The following ANKRD24 variants were observed in gnomAD, a reference collection of about 807,000 sequenced individuals.
ANKRD24 encodes the protein ankyrin repeat domain-containing protein 24.
A neutral mutation model predicts 127.8 loss-of-function variants in ANKRD24; 109 were observed. The observed-to-expected ratio is 0.85, with a 90% confidence interval of 0.73 to 1.00. ANKRD24 has a LOEUF of 1.00. Among genes scored for constraint, ANKRD24 ranks in the 50% least tolerant of loss-of-function variants. The pLI is 0.00. For synonymous variants in ANKRD24, 743 were observed against 671.1 expected (o/e 1.11, Z -1.66); for missense variants, 1,648 against 1,570.2 (o/e 1.05, Z -0.84).
At chr19:4,218,799 A>C (rs1599467220) in intron 18 of ANKRD24, among the ~76,000 whole-genome samples, 3 of 112,182 alleles carry the variant, frequency 2.7e-5, no homozygotes, top group African/African-American at 7.3e-5. Flanking sequence ...CTGAAAAGTC[A>C]CCCAGTCACC....
chr19:4,223,687 C>T (rs1970587315), intron 20 of ANKRD24, among the ~76,000 whole-genome samples: 2 of 152,082 alleles, frequency 1.3e-5, no homozygotes, highest in Non-Finnish European at 2.9e-5. Context: ...GCCTTAGCCT[C>T]CTGAGTAGCT....
chr19:4,193,845 G>GAGGGAGGGA lies in ANKRD24; in HGVS notation c.37-5835_37-5834insGAGGGAAGG, dbSNP rs573649233. On this transcript the variant is annotated intron_variant, in intron 2 of 21. Coordinates refer to ENST00000318934, the MANE Select transcript of ANKRD24 (RefSeq NM_001393985.1). The stretch of plus-strand genomic sequence containing the variant: ...GAGCGAGACTCCGTCGGGAGGGAGG[G>GAGGGAGGGA]AGGAAGGAAGGAAGGAAGGAAGGAA... 5.5e-3 allele frequency among the ~76,000 whole-genome samples: 224 copies of GAGGGAGGGA among 40,568 alleles called. 43 individuals are homozygous for GAGGGAGGGA. Among genetic ancestry groups the GAGGGAGGGA allele is most frequent in the African/African-American group, 0.025 (194 of 7,758 alleles). The allele number at this position is 40,568 out of a possible 152,430, so 26.6% of individuals were successfully genotyped here.
chr19:4,184,958 G>T (rs548819155), intron 1 of ANKRD24, among the ~76,000 whole-genome samples: 90 of 132,216 alleles, frequency 6.8e-4, no homozygotes, highest in African/African-American at 1.9e-3. Context: ...GTGGGTGGGT[G>T]GATGGATGCA....
intron 1 of ANKRD24, among the ~76,000 whole-genome samples, chr19:4,184,812 G>GTGGTT (rs759227861): frequency 6.6e-6 from 1 of 151,694 alleles, no homozygotes; most frequent in Non-Finnish European, 1.5e-5. Context: ...AGGTGGATTG[G>GTGGTT]TGGTTTGGTA....
intron 20 of ANKRD24, among the ~76,000 whole-genome samples, 196 bp downstream of exon 20, chr19:4,222,991 G>A (rs571611280): frequency 1.4e-4 from 22 of 152,248 alleles, no homozygotes; most frequent in Admixed American, 9.8e-4. Flanking sequence ...CATCGCCCAG[G>A]CTGGAGTGCA....
chr19:4,196,469 G>C (rs1420861415), intron 2 of ANKRD24, among the ~76,000 whole-genome samples: 1 of 152,144 alleles, frequency 6.6e-6, no homozygotes, highest in Admixed American at 6.6e-5. Context: ...TCTGCCTCCA[G>C]GGTTCAAGCG....
At chr19:4,197,427 T>G (rs147785439) in intron 2 of ANKRD24, among the ~76,000 whole-genome samples, 8 of 151,936 alleles carry the variant, frequency 5.3e-5, no homozygotes, top group African/African-American at 1.9e-4. Context: ...GGTGAACAAA[T>G]GAATGGGTGA....
At chr19:4,184,535 G>A (rs1169630897) in intron 1 of ANKRD24, among the ~76,000 whole-genome samples, 3 of 152,172 alleles carry the variant, frequency 2.0e-5, no homozygotes, top group African/African-American at 7.2e-5. Context: ...CATCCCACCC[G>A]GCCATCAGGC....
chr19:4,223,393 A>ATTTT lies in ANKRD24; in HGVS notation c.3297+599_3297+600insTTTT, dbSNP rs1204092268. Among the ~76,000 whole-genome samples the ATTTT allele has an allele frequency of 1.5e-4, 12 of 78,910 alleles. 1 individual carries two copies. Among genetic ancestry groups the ATTTT allele is most frequent in the African/African-American group, 7.0e-4 (10 of 14,360 alleles). The allele number at this position is 78,910 out of a possible 152,430, so 51.8% of individuals were successfully genotyped here. A position where few individuals can be genotyped will look rare whatever the true frequency, so the allele number is the denominator to read the frequency against. ...CATACATATATATATATATATATAT[A>ATTTT]TATATATATTTTTTTTTTTTTTTTT... On this transcript the variant is annotated intron_variant, in intron 20 of 21. Transcript: ENST00000318934.
intron 1 of ANKRD24, among the ~76,000 whole-genome samples, chr19:4,183,078 A>G (rs1967831515): frequency 1.3e-5 from 2 of 151,502 alleles, no homozygotes; most frequent in African/African-American, 4.9e-5. Context: ...TCTTGGGTTC[A>G]AGCGATTCTC....
chr19:4,192,991 G>A (rs1011960948), intron 2 of ANKRD24, among the ~76,000 whole-genome samples: 1 of 150,010 alleles, frequency 6.7e-6, no homozygotes. Context: ...TTTTAAAAAG[G>A]TATGTAGTAT....
chr19:4,218,154 G>A lies in ANKRD24; in HGVS notation c.2994G>A (p.Glu998=), dbSNP rs1268769758. ...GGCGGCATGAGAAGACCAGCGCAGA[G>A]GTCTTCCAGGTGAGCAGGGCTGGTC... ...LGRRHEKTSA[E]VFQVQREALF... is the part of the protein sequence containing the mutation. The change falls in exon 18 of 22, where the codon GAG becomes GAA. Residue 998 remains glutamate (E), a synonymous_variant. Transcript: ENST00000318934. 12 of 1,504,006 alleles carry A rather than the reference G, an allele frequency of 8.0e-6. No homozygotes were observed. In the Admixed American group the frequency reaches 1.1e-4, roughly 14 times the overall value. The allele number at this position is 1,504,006 out of a possible 1,614,324, so 93.2% of individuals were successfully genotyped here.
chr19:4,216,419 T>C lies in ANKRD24; in HGVS notation c.1389+17T>C. Reference sequence around the variant, plus strand: ...AAGGTCCAGGTAGGGAAAGTGAGGCTGGGGACAGATCTGAGGACCTAGGGC... The same window carrying C: ...AAGGTCCAGGTAGGGAAAGTGAGGCCGGGGACAGATCTGAGGACCTAGGGC... On this transcript the variant is annotated intron_variant, in intron 17 of 21. Coordinates refer to ENST00000318934, the MANE Select transcript of ANKRD24 (RefSeq NM_001393985.1). 6.4e-7 allele frequency: 1 copy of C among 1,559,606 alleles called. No individual in the cohort carries two copies. Among genetic ancestry groups the C allele is most frequent in the Non-Finnish European group, 8.7e-7 (1 of 1,151,720 alleles).
In ANKRD24 at chr19:4,208,812, CT is replaced by C; in HGVS notation, c.870+12del. ...GAGGCGTCATCTCAGGTATGGACCC[CT>C]AAGCAGTGAAGGAGCCCCTCCTCCC... On this transcript the variant is annotated intron_variant, in intron 11 of 21. Coordinates refer to ENST00000318934, the MANE Select transcript of ANKRD24 (RefSeq NM_001393985.1). The C allele has an allele frequency of 5.0e-6, 8 of 1,612,540 alleles. No homozygotes were observed. The highest frequency in any genetic ancestry group is 4.2e-6 in the Non-Finnish European group (5 of 1,179,182).
chr19:4,207,907 G>T lies in ANKRD24; in HGVS notation c.771G>T (p.Ala257=). 1 of 1,555,638 alleles carries T rather than the reference G, an allele frequency of 6.4e-7. No individual in the cohort carries two copies. The highest frequency in any genetic ancestry group is 8.7e-7 in the Non-Finnish European group (1 of 1,152,488). ...ACGCGGCTCACTATGGCGCCCTGGC[G>T]GGGGACAAACTCATCCTGCACCTTC... ...GQDAAHYGAL[A]GDKLILHLLQ... The change falls in exon 10 of 22, where the codon GCG becomes GCT. Residue 257 remains alanine, a synonymous_variant. Transcript: ENST00000318934.
rs892766635 is a variant in ANKRD24, at chr19:4,218,132, G to A, written c.2972G>A (p.Arg991Gln). The A allele has an allele frequency of 2.0e-6, 3 of 1,535,306 alleles. No individual in the cohort carries two copies. Among genetic ancestry groups the A allele is most frequent in the East Asian group, 2.5e-5 (1 of 39,284 alleles). The change falls in exon 18 of 22, where the codon CGG (arginine) becomes CAG (glutamine). Residue 991 changes from arginine to glutamine, a missense_variant. Physicochemically the swap from Arg to Gln is conservative, Grantham distance 43. Transcript: ENST00000318934. Reference protein sequence around the residue: ...LEGQLEELGRRHEKTSAEVFQ... With the variant: ...LEGQLEELGRQHEKTSAEVFQ... ...GGGCAGCTGGAGGAGCTGGGACGGC[G>A]GCATGAGAAGACCAGCGCAGAGGTC...
At chr19:4,194,521 C>A (rs988348917) in intron 2 of ANKRD24, among the ~76,000 whole-genome samples, 2 of 152,108 alleles carry the variant, frequency 1.3e-5, no homozygotes, top group African/African-American at 4.8e-5. Flanking sequence ...TTTCTCTCCC[C>A]CCTCCAACGA....
chr19:4,190,725 G>A (rs1200413815), intron 2 of ANKRD24, among the ~76,000 whole-genome samples: 7 of 152,182 alleles, frequency 4.6e-5, no homozygotes, highest in Non-Finnish European at 1.0e-4. Context: ...GTGACAGAGC[G>A]AGACTCCGTC....
Position 4,182,965 on chromosome 19 carries a change from TTGTGTG to T in ANKRD24, c.-37+254_-37+259del, listed in dbSNP as rs57280997. Reference sequence around the variant, plus strand: ...ACGCAGAGTTACCTGAATATCTCATTTGTGTGTGTGTGTGTGTGTGTGTGTGTGTGT... The same window carrying T: ...ACGCAGAGTTACCTGAATATCTCATTTGTGTGTGTGTGTGTGTGTGTGTGT... On this transcript the variant is annotated intron_variant, in intron 1 of 21. Coordinates refer to ENST00000318934, the MANE Select transcript of ANKRD24 (RefSeq NM_001393985.1). 4.7e-3 allele frequency among the ~76,000 whole-genome samples: 645 copies of T among 138,676 alleles called. 5 individuals carry two copies. Among genetic ancestry groups the T allele is most frequent in the African/African-American group, 0.015 (547 of 37,304 alleles). The allele number at this position is 138,676 out of a possible 152,430, so 91.0% of individuals were successfully genotyped here.
Sources: allele counts gnomAD v4.1 joint callset (sites outside exome capture counted in the v4.1 genomes callset), GRCh38; gene constraint gnomAD v4.1.1; transcripts MANE v1.5; gene names NCBI Gene and HGNC (gene_info 2026-07-23, HGNC 2026-07-21).